Variants in ESS2 observed in about 807,000 individuals in gnomAD.
ESS2 encodes splicing factor ESS-2 homolog.
ESS2 carries 31 observed loss-of-function variants against 52.0 expected under a neutral mutation model. The observed-to-expected ratio is 0.60, with a 90% CI of 0.45 to 0.81. The LOEUF is 0.81. Among genes scored for constraint, ESS2 ranks in the 30% least tolerant of loss-of-function variants. ESS2 has a pLI of 0.00. For missense variants in ESS2, 602 were observed against 637.2 expected (o/e 0.94, Z 0.59); for synonymous variants, 285 against 259.2 (o/e 1.10, Z -0.95).
chr22:19,136,936 C>T (rs1424836390), intron 8 of ESS2, among the ~76,000 whole-genome samples: 2 of 152,166 alleles, frequency 1.3e-5, no homozygotes, highest in Non-Finnish European at 2.9e-5. Flanking sequence ...AGGCTTGAGC[C>T]GTGTAATCCA....
At chr22:19,143,725 G>A (rs964392419) in intron 1 of ESS2, among the ~76,000 whole-genome samples, 1 of 152,178 alleles carries the variant, frequency 6.6e-6, no homozygotes, top group African/African-American at 2.4e-5. Flanking sequence ...GCGTGGTGGC[G>A]GGCACCTGTA....
Position 19,131,479 on chromosome 22 carries a change from A to T in ESS2, c.*2717T>A, listed in dbSNP as rs3747052. 1.2e-6 allele frequency: 2 copies of T among 1,614,056 alleles called. No individual in the cohort carries two copies. The stretch of plus-strand genomic sequence containing the variant: ...GGCAAGGGTTCCTACGCAAAAGTCA[A>T]ATCTGCCTACTCTGAGCGCCTCAAG... On this transcript the variant is annotated 3_prime_UTR_variant, in exon 10 of 10. Coordinates refer to ENST00000252137, the MANE Select transcript of ESS2 (RefSeq NM_022719.3). The surrounding 1 kb of genome is among the most constrained non-coding windows in gnomAD (Gnocchi z 5.7).
chr22:19,134,943 C>G, intron 9 of ESS2, 117 bp downstream of exon 9: 12 of 924,944 alleles, frequency 1.3e-5, no homozygotes, highest in Non-Finnish European at 2.0e-5. Context: ...CAGAACCCCG[C>G]GGACCTGCCC....
chr22:19,140,059 C>A (rs911876798), intron 3 of ESS2, 35 bp from the exon 4 acceptor site: 1 of 1,607,932 alleles, frequency 6.2e-7, no homozygotes, highest in Non-Finnish European at 8.5e-7. Flanking sequence ...AACACAGCAC[C>A]CTTTGCAGTC....
chr22:19,143,946 C>A, intron 1 of ESS2: 1 of 700,916 alleles, frequency 1.4e-6, no homozygotes, highest in Non-Finnish European at 1.8e-6. Flanking sequence ...GCACCTCCAG[C>A]CAGACCTTGC....
intron 8 of ESS2, among the ~76,000 whole-genome samples, chr22:19,135,670 T>G (rs1391635075): frequency 6.6e-6 from 1 of 152,230 alleles, no homozygotes; most frequent in Non-Finnish European, 1.5e-5. Flanking sequence ...TTCTGCTGTA[T>G]TTGTTATTTT....
Position 19,142,729 on chromosome 22 carries a change from G to A in ESS2, c.301C>T (p.Pro101Ser), listed in dbSNP as rs774706476. 1.9e-6 allele frequency: 3 copies of A among 1,613,770 alleles called. No homozygotes were observed. The highest frequency in any genetic ancestry group is 2.5e-6 in the Non-Finnish European group (3 of 1,179,798). The change falls in exon 2 of 10, where the codon CCC (proline) becomes TCC (serine). Residue 101 changes from proline (P) to serine (S), a missense_variant. Transcript: ENST00000252137. The stretch of plus-strand genomic sequence containing the variant: ...GCCACCCACAGGGTCCTCATACAGG[G>A]TGGCGGGGGCTCCCGGGACATCTTG... ...LGKMSREPPPPYVTPATFETP... is the reference protein window; with the variant it reads ...LGKMSREPPPSYVTPATFETP...
rs535319919 is a variant in ESS2, at chr22:19,142,824, A to G, written c.206T>C (p.Leu69Pro). ...VEKLQAQKEY[L>P]EAEENGDLER... ...CAAGTCTCCATTCTCCTCGGCTTCC[A>G]GGTACTCCTTCTGTGCCTGGAGCTT... The change falls in exon 2 of 10, where the codon CTG (leucine) becomes CCG (proline). Residue 69 changes from leucine to proline, a missense_variant. Physicochemically the swap from Leu to Pro is moderately conservative, Grantham distance 98. Coordinates refer to ENST00000252137, the MANE Select transcript of ESS2 (RefSeq NM_022719.3). The G allele has an allele frequency of 6.2e-7, 1 of 1,614,144 alleles. No individual in the cohort carries two copies. The highest frequency in any genetic ancestry group is 1.1e-5 in the South Asian group (1 of 91,082).
Position 19,131,993 on chromosome 22 carries a change from C to T in ESS2, c.*2203G>A. 6.2e-7 allele frequency: 1 copy of T among 1,614,206 alleles called. No homozygotes were observed. Among genetic ancestry groups the T allele is most frequent in the Non-Finnish European group, 8.5e-7 (1 of 1,180,044 alleles). On this transcript the variant is annotated 3_prime_UTR_variant, in exon 10 of 10. Coordinates refer to ENST00000252137, the MANE Select transcript of ESS2 (RefSeq NM_022719.3). This position sits in a 1 kb window ranked among gnomAD's most constrained non-coding sequence, Gnocchi z 5.7. The stretch of plus-strand genomic sequence containing the variant: ...TCCCCTACCAGCCCAAGGTGTATGA[C>T]ATCTGGAGCCTGGGCGTGATCCTGT...
rs149706465 is a variant in ESS2 at position 19,143,191 on chromosome 22, C to G, written c.136-297G>C. ...CTGCACTCCAGCCTGGGCGACAGAG[C>G]GAGACCGTCTCAAAAAAAAAAAAAA... On this transcript the variant is annotated intron_variant, in intron 1 of 9. Coordinates refer to ENST00000252137, the MANE Select transcript of ESS2 (RefSeq NM_022719.3). 4.9e-3 allele frequency among the ~76,000 whole-genome samples: 570 copies of G among 117,462 alleles called. 7 individuals are homozygous for G. The highest frequency in any genetic ancestry group is 0.019 in the African/African-American group (551 of 28,774). The allele number at this position is 117,462 out of a possible 152,430, so 77.1% of individuals were successfully genotyped here.
Position 19,131,466 on chromosome 22 carries a change from T to C in ESS2, c.*2730A>G, listed in dbSNP as rs746762650. 3.1e-6 allele frequency: 5 copies of C among 1,614,114 alleles called. No individual in the cohort carries two copies. Among genetic ancestry groups the C allele is most frequent in the Non-Finnish European group, 2.5e-6 (3 of 1,180,016 alleles). On this transcript the variant is annotated 3_prime_UTR_variant, in exon 10 of 10. Coordinates refer to ENST00000252137, the MANE Select transcript of ESS2 (RefSeq NM_022719.3). The surrounding 1 kb of genome is among the most constrained non-coding windows in gnomAD (Gnocchi z 5.7). ...AGGCATCAATCTTGGCAAGGGTTCC[T>C]ACGCAAAAGTCAAATCTGCCTACTC...
chr22:19,144,642 G>C lies in ESS2; in HGVS notation c.-2C>G, dbSNP rs5992371. On this transcript the variant is annotated 5_prime_UTR_variant, in exon 1 of 10. Transcript: ENST00000252137. The stretch of plus-strand genomic sequence containing the variant: ...CGCTGATGCGCCCGGCGTCTCCATC[G>C]CTATCCCAGGAAAAAGCTCGGGCCC... The C allele has an allele frequency of 5.4e-3, 8,092 of 1,506,710 alleles. 319 individuals carry two copies. In the African/African-American group the frequency reaches 0.091, roughly 17 times the overall value. The allele number at this position is 1,506,710 out of a possible 1,614,324, so 93.3% of individuals were successfully genotyped here.
chr22:19,143,587 A>G (rs1323281001), intron 1 of ESS2, among the ~76,000 whole-genome samples: 2 of 152,124 alleles, frequency 1.3e-5, no homozygotes, highest in African/African-American at 4.8e-5. Context: ...GGGGCATGGT[A>G]GCTCACGCCT....
In ESS2 at chr22:19,134,085, C is replaced by A; in HGVS notation, c.*111G>T. On this transcript the variant is annotated 3_prime_UTR_variant, in exon 10 of 10. Transcript: ENST00000252137. ...TTTCTCCAGTGACTCCTGGTATGGT[C>A]AACAGCTTCTGGCCCAGGCCTGGGC... The A allele has an allele frequency of 7.7e-7, 1 of 1,293,920 alleles. No homozygotes were observed. Among genetic ancestry groups the A allele is most frequent in the South Asian group, 2.1e-5 (1 of 48,510 alleles). The allele number at this position is 1,293,920 out of a possible 1,614,324, so 80.2% of individuals were successfully genotyped here.
At chr22:19,144,072 T>A (rs188898190) in intron 1 of ESS2, 22 of 1,001,022 alleles carry the variant, frequency 2.2e-5, no homozygotes, top group Non-Finnish European at 2.6e-5. Context: ...CCAATCCCCG[T>A]TTCAGCTCCT....
At position 19,142,897 on chromosome 22, in the gene ESS2, G is replaced by T; in HGVS notation, c.136-3C>A. On this transcript the variant is annotated splice_region_variant and splice_polypyrimidine_tract_variant and intron_variant, in intron 1 of 9. Transcript: ENST00000252137. ...CTTTGGATGACCGTCTGGAGGCCCT[G>T]CAAGGAGAGATCAGAATGAAAGTCA... 1 of 1,611,278 alleles carries T rather than the reference G, an allele frequency of 6.2e-7. No homozygotes were observed.
rs890346946 is a variant in ESS2, at chr22:19,144,492, C to G, written c.135+14G>C. On this transcript the variant is annotated intron_variant, in intron 1 of 9. Coordinates refer to ENST00000252137, the MANE Select transcript of ESS2 (RefSeq NM_022719.3). Reference sequence around the variant, plus strand: ...TGGGCCCAGAAGTCGCCGGCGTCCGCACCGAGGTCGTACCTCGATATACTC... The same window carrying G: ...TGGGCCCAGAAGTCGCCGGCGTCCGGACCGAGGTCGTACCTCGATATACTC... 1.2e-6 allele frequency: 2 copies of G among 1,611,538 alleles called. No homozygotes were observed. The highest frequency in any genetic ancestry group is 1.7e-6 in the Non-Finnish European group (2 of 1,179,248).
In ESS2 at chr22:19,139,102, C is replaced by T. The variant is rs1375147417; in HGVS notation, c.822+57G>A. ...AAAGAGATGGGAGAGATCATGCCTG[C>T]CCCCAGGCAGCCCTGTCCAACCTGG... On this transcript the variant is annotated intron_variant, in intron 6 of 9. Transcript: ENST00000252137. 5 of 1,536,348 alleles carry T rather than the reference C, an allele frequency of 3.3e-6. No individual in the cohort carries two copies. The African/African-American group carries it at 5.5e-5, about 17-fold the overall frequency.
intron 3 of ESS2, among the ~76,000 whole-genome samples, chr22:19,140,602 CT>C (rs758130395): frequency 0.01 from 1,575 of 152,200 alleles, 5 homozygotes; most frequent in Non-Finnish European, 0.015. Context: ...ACACCCCCCC[CT>C]CCGACCAACC....
Sources: allele counts gnomAD v4.1 joint callset (sites outside exome capture counted in the v4.1 genomes callset), GRCh38; gene constraint gnomAD v4.1.1; non-coding constraint Gnocchi (gnomAD v3.1); transcripts MANE v1.5; gene names NCBI Gene and HGNC (gene_info 2026-07-23, HGNC 2026-07-21).